ASTN2: variants seen among roughly 807,000 people sequenced by gnomAD.
The protein encoded by ASTN2 is astrotactin 2.
In ASTN2, 54 loss-of-function variants were observed where a neutral mutation model predicts 139.8. The observed-to-expected ratio is 0.39, with a 90% confidence interval of 0.31 to 0.48. ASTN2 has a LOEUF of 0.48. Ranked by LOEUF, ASTN2 falls within the 20% of genes least tolerant of loss-of-function variation. The probability of loss-of-function intolerance (pLI) is 0.95; values close to 1 mark genes in which losing one functional copy is unlikely to be tolerated. For synonymous variants in ASTN2, 756 were observed against 719.5 expected, an observed-to-expected ratio of 1.05 and a Z score of -0.81; for missense variants, 1,565 against 1,725.1, an observed-to-expected ratio of 0.91 and a Z score of 1.64.
intron 4 of ASTN2, among the ~76,000 whole-genome samples, chr9:117,129,287 AAAAC>A (rs1232568923): frequency 3.3e-5 from 5 of 152,104 alleles, no homozygotes; most frequent in African/African-American, 4.8e-5. Flanking sequence ...CGTTCCTCAA[AAAAC>A]AAACAAAAAC....
In ASTN2 at chr9:116,904,680, T is replaced by C. The variant is rs1045452572; in HGVS notation, c.1890-40947A>G. ...GCATAGTTGGAGTGCTATAGAAGTG[T>C]CAGTTATTATTAATCCACCTGTTGA... On this transcript the variant is annotated intron_variant, in intron 10 of 22. Transcript: ENST00000313400. 5.9e-5 allele frequency among the ~76,000 whole-genome samples: 9 copies of C among 152,360 alleles called. No homozygotes were observed. The East Asian group carries it at 1.3e-3, about 23-fold the overall frequency.
chr9:116,876,202 T>C (rs1203730644), intron 10 of ASTN2, among the ~76,000 whole-genome samples: 1 of 152,142 alleles, frequency 6.6e-6, no homozygotes, highest in Admixed American at 6.5e-5. Flanking sequence ...TGAATGACTT[T>C]GAGGGGTTCA....
At chr9:117,047,188 GA>G (rs1477297510) in intron 5 of ASTN2, among the ~76,000 whole-genome samples, 9 of 152,330 alleles carry the variant, frequency 5.9e-5, no homozygotes, top group Admixed American at 6.5e-5. Context: ...GAGGCAGAAA[GA>G]AAGAATATTT....
At chr9:116,583,902 C>G (rs1327320767) in intron 19 of ASTN2, 1 of 152,182 alleles carries the variant, frequency 6.6e-6, no homozygotes, top group East Asian at 1.9e-4. Context: ...GAAACTCTTG[C>G]CTGCCCCCAA....
intron 19 of ASTN2, chr9:116,585,796 A>G (rs1326167084): frequency 6.6e-6 from 1 of 152,192 alleles, no homozygotes; most frequent in East Asian, 1.9e-4. Context: ...TGCAGCTGCA[A>G]CAAAAACAAA....
chr9:116,964,216 GGTGTGTGTGT>G (rs56209166), intron 10 of ASTN2, among the ~76,000 whole-genome samples: 50 of 140,812 alleles, frequency 3.6e-4, no homozygotes, highest in East Asian at 8.5e-4. Flanking sequence ...ACTGCCCTGG[GGTGTGTGTGT>G]GTGTGTGTGT....
Position 117,378,615 on chromosome 9 carries a change from AGT to A in ASTN2, c.442+35880_442+35881del, listed in dbSNP as rs1400481419. Among the ~76,000 whole-genome samples, 5 of 152,290 alleles carry A rather than the reference AGT, an allele frequency of 3.3e-5. No homozygotes were observed. In the East Asian group the frequency reaches 9.7e-4, roughly 29 times the overall value. On this transcript the variant is annotated intron_variant, in intron 1 of 22. Transcript: ENST00000313400. ...GAAAAGGTGGGAGAAAACCAGACTG[AGT>A]GTGTCTTAAAACTAGGGGTTCAAGT...
At chr9:116,716,899 T>A (rs1828326438) in intron 16 of ASTN2, among the ~76,000 whole-genome samples, 2 of 152,220 alleles carry the variant, frequency 1.3e-5, no homozygotes, top group African/African-American at 2.4e-5. Context: ...TACCTGTGGA[T>A]AAGAGAAACA....
chr9:116,686,787 T>C (rs1226629295), intron 16 of ASTN2: 1 of 1,550,674 alleles, frequency 6.4e-7, no homozygotes, highest in South Asian at 1.2e-5. Context: ...AACATTCCTT[T>C]ACAGAGCAAT....
intron 19 of ASTN2, among the ~76,000 whole-genome samples, chr9:116,533,556 AT>A (rs773238698): frequency 2.0e-5 from 3 of 152,102 alleles, no homozygotes; most frequent in African/African-American, 7.2e-5. Flanking sequence ...ATTTACTGAG[AT>A]TTTTTAGCAT....
At chr9:116,836,394 T>C (rs1031333991) in intron 11 of ASTN2, among the ~76,000 whole-genome samples, 3 of 152,232 alleles carry the variant, frequency 2.0e-5, no homozygotes, top group Non-Finnish European at 4.4e-5. Flanking sequence ...CTATCTATCA[T>C]TGAGATTAAA....
At position 116,462,788 on chromosome 9, in the gene ASTN2, A is replaced by ATGTGTGTGTGTGTGTG. The variant is rs55926547; in HGVS notation, c.3498-20251_3498-20236dup. Among the ~76,000 whole-genome samples the ATGTGTGTGTGTGTGTG allele has an allele frequency of 4.6e-4, 67 of 146,184 alleles. 1 individual carries two copies. Among genetic ancestry groups the ATGTGTGTGTGTGTGTG allele is most frequent in the African/African-American group, 1.6e-3 (63 of 38,834 alleles). ...CTTTAAGGGTAAGTGTTGGGTGAGC[A>ATGTGTGTGTGTGTGTG]TGTGTGTGTGTGTGTGTGTGTGTGT... On this transcript the variant is annotated intron_variant, in intron 20 of 22. Coordinates refer to ENST00000313400, the MANE Select transcript of ASTN2 (RefSeq NM_001365068.1).
At chr9:117,142,945 A>C (rs1830108780) in intron 3 of ASTN2, among the ~76,000 whole-genome samples, 1 of 152,146 alleles carries the variant, frequency 6.6e-6, no homozygotes. Context: ...ATGTGCCAAC[A>C]ATTTCTGTTT....
chr9:117,215,125 T>G (rs900486608), intron 2 of ASTN2, among the ~76,000 whole-genome samples: 3 of 152,124 alleles, frequency 2.0e-5, no homozygotes, highest in Non-Finnish European at 2.9e-5. Context: ...CACAGGTGAA[T>G]GTCTGAATCT....
intron 4 of ASTN2, among the ~76,000 whole-genome samples, chr9:117,127,811 T>A (rs1370757805): frequency 1.3e-5 from 2 of 149,984 alleles, no homozygotes; most frequent in Non-Finnish European, 3.0e-5. Flanking sequence ...CTCCCCAGTA[T>A]CTGGGACTAC....
At chr9:117,239,586 C>A (rs939767548) in intron 2 of ASTN2, among the ~76,000 whole-genome samples, 7 of 152,112 alleles carry the variant, frequency 4.6e-5, no homozygotes, top group African/African-American at 7.2e-5. Flanking sequence ...AAGGGATAAC[C>A]CCCCTCCATC....
chr9:117,377,179 G>A (rs1359030743), intron 1 of ASTN2, among the ~76,000 whole-genome samples: 1 of 152,208 alleles, frequency 6.6e-6, no homozygotes, highest in African/African-American at 2.4e-5. Flanking sequence ...GCCGAGAGAG[G>A]CCAGATGCCA....
At chr9:116,468,749 T>C (rs565870937) in intron 20 of ASTN2, among the ~76,000 whole-genome samples, 10 of 152,328 alleles carry the variant, frequency 6.6e-5, no homozygotes, top group Admixed American at 2.0e-4. Flanking sequence ...ACTTTCAAGA[T>C]AAAGTCCACA....
rs112287030 is a variant in ASTN2, at chr9:116,857,707, T to C, written c.2040+5876A>G. On this transcript the variant is annotated intron_variant, in intron 11 of 22. Transcript: ENST00000313400. ...CTGTTTGTATAATGGGAGAGGGTCCTTTCTGGCTCTGGTAGCCCTTGTCTG... is the reference window on the plus strand; with the variant it reads ...CTGTTTGTATAATGGGAGAGGGTCCCTTCTGGCTCTGGTAGCCCTTGTCTG... Among the ~76,000 whole-genome samples the C allele has an allele frequency of 7.0e-3, 1,070 of 152,314 alleles. 6 individuals are homozygous for C. Among genetic ancestry groups the C allele is most frequent in the Non-Finnish European group, 0.01 (683 of 68,036 alleles).
Sources: gnomAD v4.1 joint callset for allele counts (sites outside exome capture counted in the v4.1 genomes callset) on GRCh38, gnomAD v4.1.1 for gene constraint, MANE v1.5 for transcripts, NCBI Gene and HGNC (gene_info 2026-07-23, HGNC 2026-07-21) for gene names.